The following RSPO2 variants were observed in gnomAD, a reference collection of about 807,000 sequenced individuals.
RSPO2 encodes the protein R-spondin-2.
A neutral mutation model predicts 30.9 loss-of-function variants in RSPO2; 14 were observed. That is an observed-to-expected ratio of 0.45 (90% CI 0.30 to 0.71). RSPO2 has a LOEUF of 0.71. Ranked by LOEUF, RSPO2 falls within the 30% of genes least tolerant of loss-of-function variation. The pLI is 0.08. For synonymous variants in RSPO2, 107 were observed against 96.4 expected (o/e 1.11, Z -0.64); for missense variants, 264 against 301.9 (o/e 0.87, Z 0.93).
intron 4 of RSPO2, 67 bp downstream of exon 4, chr8:107,960,607 C>CTGG: frequency 7.2e-7 from 1 of 1,388,326 alleles, no homozygotes; most frequent in Non-Finnish European, 1.0e-6. Flanking sequence ...ATCCAGCATG[C>CTGG]ATATTTTTAA....
chr8:107,904,370 AAG>A (rs1554625613), intron 5 of RSPO2, among the ~76,000 whole-genome samples: 22 of 151,936 alleles, frequency 1.4e-4, no homozygotes, highest in African/African-American at 5.3e-4. Context: ...AAAAAAAAAA[AAG>A]AAGTTTGAGT....
At chr8:107,989,284 T>C (rs1202255758) in intron 2 of RSPO2, 40 bp from the exon 3 acceptor site, 7 of 1,408,378 alleles carry the variant, frequency 5.0e-6, no homozygotes, top group East Asian at 2.5e-5. Flanking sequence ...ATTATCAGTA[T>C]AATCAGATTT....
chr8:107,948,974 T>G (rs961997187), intron 5 of RSPO2, among the ~76,000 whole-genome samples: 9 of 151,916 alleles, frequency 5.9e-5, no homozygotes, highest in Non-Finnish European at 8.8e-5. Context: ...CTTTTTTTTT[T>G]TTTTTGGTTC....
intron 5 of RSPO2, among the ~76,000 whole-genome samples, chr8:107,956,917 A>T (rs1813452168): frequency 6.6e-6 from 1 of 152,180 alleles, no homozygotes; most frequent in South Asian, 2.1e-4. Flanking sequence ...AGTGAACAAA[A>T]CCATCCTTGT....
intron 2 of RSPO2, among the ~76,000 whole-genome samples, chr8:107,992,596 G>T (rs916269985): frequency 8.5e-5 from 13 of 152,072 alleles, no homozygotes; most frequent in Non-Finnish European, 1.6e-4. Flanking sequence ...TGTTCAAAGA[G>T]ATAATGGCTG....
chr8:107,916,732 G>A (rs979551163), intron 5 of RSPO2, among the ~76,000 whole-genome samples: 2 of 152,056 alleles, frequency 1.3e-5, no homozygotes, highest in African/African-American at 4.8e-5. Flanking sequence ...AGATTTGAAG[G>A]GAATTATTTA....
At chr8:107,919,817 C>T (rs1812095776) in intron 5 of RSPO2, among the ~76,000 whole-genome samples, 3 of 152,006 alleles carry the variant, frequency 2.0e-5, no homozygotes, top group South Asian at 2.1e-4. Flanking sequence ...AATAATAAAA[C>T]TCCTCTGAAA....
chr8:107,981,412 T>G (rs1249412383), intron 3 of RSPO2, among the ~76,000 whole-genome samples: 3 of 151,916 alleles, frequency 2.0e-5, no homozygotes, highest in African/African-American at 7.3e-5. Context: ...TCCCAGCTAC[T>G]TGGTGCACTG....
At chr8:108,071,653 C>T (rs1812850011) in intron 2 of RSPO2, among the ~76,000 whole-genome samples, 1 of 152,192 alleles carries the variant, frequency 6.6e-6, no homozygotes, top group African/African-American at 2.4e-5. Flanking sequence ...ACCCAACCTA[C>T]AGCTATTCTC....
At chr8:108,032,065 C>T (rs1269944488) in intron 2 of RSPO2, among the ~76,000 whole-genome samples, 1 of 152,044 alleles carries the variant, frequency 6.6e-6, no homozygotes, top group Non-Finnish European at 1.5e-5. Flanking sequence ...GCATATAGAC[C>T]AAATACAAGC....
chr8:107,968,317 G>T (rs1259977526), intron 3 of RSPO2, among the ~76,000 whole-genome samples: 8 of 152,194 alleles, frequency 5.3e-5, no homozygotes, highest in African/African-American at 1.9e-4. Context: ...GGAACTGGGG[G>T]ACATTATGTT....
chr8:107,909,139 T>C (rs1811742266), intron 5 of RSPO2, among the ~76,000 whole-genome samples: 1 of 152,130 alleles, frequency 6.6e-6, no homozygotes, highest in South Asian at 2.1e-4. Flanking sequence ...GGTTTAGATA[T>C]GAAGCAACTG....
rs946423227 is a variant in RSPO2, at chr8:108,062,823, C to T, written c.94+19722G>A. Among the ~76,000 whole-genome samples, 57 of 151,770 alleles carry T rather than the reference C, an allele frequency of 3.8e-4. 1 individual carries two copies. ...CTGAATCCAGCAGCACATCAAAAAG[C>T]TTATCCACCATGATCAAGTGGGCTT... On this transcript the variant is annotated intron_variant, in intron 2 of 5. Coordinates refer to ENST00000276659, the MANE Select transcript of RSPO2 (RefSeq NM_178565.5).
chr8:107,985,148 G>T (rs1814581084), intron 3 of RSPO2, among the ~76,000 whole-genome samples: 1 of 152,072 alleles, frequency 6.6e-6, no homozygotes. Context: ...AGACAAAAAT[G>T]AAGTTTTATA....
chr8:107,967,095 T>C (rs193013743), intron 3 of RSPO2, among the ~76,000 whole-genome samples: 19 of 152,262 alleles, frequency 1.2e-4, no homozygotes, highest in Middle Eastern at 3.4e-3. Flanking sequence ...ACATAGTAGA[T>C]GAAAGGATCA....
At chr8:107,961,898 G>A (rs755204823) in intron 3 of RSPO2, among the ~76,000 whole-genome samples, 1 of 152,134 alleles carries the variant, frequency 6.6e-6, no homozygotes, top group Admixed American at 6.6e-5. Context: ...ACATTCCCTG[G>A]TAGGCCAGAA....
chr8:108,045,523 A>C (rs1811884649), intron 2 of RSPO2, among the ~76,000 whole-genome samples: 1 of 152,148 alleles, frequency 6.6e-6, no homozygotes, highest in African/African-American at 2.4e-5. Flanking sequence ...ACATTCGGAG[A>C]ACATTAGTTC....
At chr8:107,941,092 C>A (rs1480753423) in intron 5 of RSPO2, among the ~76,000 whole-genome samples, 1 of 151,840 alleles carries the variant, frequency 6.6e-6, no homozygotes, top group Non-Finnish European at 1.5e-5. Flanking sequence ...TCTTACCCCC[C>A]AAAAAAATGT....
chr8:107,911,941 C>G, intron 5 of RSPO2, among the ~76,000 whole-genome samples: 1 of 152,088 alleles, frequency 6.6e-6, no homozygotes, highest in East Asian at 1.9e-4. Flanking sequence ...CACACAATAT[C>G]AGGGTTCCCT....
Sources: gnomAD v4.1 joint callset for allele counts (sites outside exome capture counted in the v4.1 genomes callset) on GRCh38, gnomAD v4.1.1 for gene constraint, MANE v1.5 for transcripts, NCBI Gene and HGNC (gene_info 2026-07-23, HGNC 2026-07-21) for gene names.